Variants in CDK14 observed in about 807,000 individuals in gnomAD.
CDK14 encodes the protein cyclin-dependent kinase 14.
In CDK14, 34 loss-of-function variants were observed where a neutral mutation model predicts 60.7. The ratio of observed to expected loss-of-function variants is 0.56; its 90% CI spans 0.43 to 0.75. The LOEUF (loss-of-function observed/expected upper bound fraction) is 0.75. Ranked by LOEUF, CDK14 falls within the 30% of genes least tolerant of loss-of-function variation. The pLI is 0.00. For synonymous variants in CDK14, 197 were observed against 203.7 expected, an observed-to-expected ratio of 0.97 and a Z score of 0.28; for missense variants, 482 against 564.1, an observed-to-expected ratio of 0.85 and a Z score of 1.47.
intron 7 of CDK14, among the ~76,000 whole-genome samples, chr7:90,916,563 G>A (rs558891869): frequency 2.0e-5 from 3 of 152,106 alleles, no homozygotes; most frequent in African/African-American, 7.2e-5. Flanking sequence ...CAATCTTTTC[G>A]ATTCAAGTTT....
intron 2 of CDK14, among the ~76,000 whole-genome samples, chr7:90,649,244 C>CTTTCTTTCTTTCTTTCTTTGTTTCTTTG (rs1800536836): frequency 7.1e-4 from 19 of 26,690 alleles, no homozygotes; most frequent in South Asian, 2.9e-3. Context: ...TAGTTTCTTT[C>CTTTCTTTCTTTCTTTCTTTGTTTCTTTG]TTTCTTTCTT....
chr7:90,988,249 A>C (rs1392786418), intron 10 of CDK14, among the ~76,000 whole-genome samples: 2 of 152,172 alleles, frequency 1.3e-5, no homozygotes, highest in African/African-American at 2.4e-5. Flanking sequence ...GTTCATATGT[A>C]TATAAGGTGA....
intron 4 of CDK14, among the ~76,000 whole-genome samples, chr7:90,775,625 C>T (rs1262181685): frequency 1.0e-4 from 5 of 49,540 alleles, no homozygotes; most frequent in African/African-American, 3.9e-4. Flanking sequence ...ACCTCCTCCT[C>T]CCCCTCCCCC....
rs531221867 is a variant in CDK14 at position 91,058,855 on chromosome 7, C to T, written c.1105+12895C>T. On this transcript the variant is annotated intron_variant, in intron 11 of 14. Coordinates refer to ENST00000380050, the MANE Select transcript of CDK14 (RefSeq NM_001287135.2). ...ATCAATGTTTATCACGGATATTGGT[C>T]TAAAATTCTCTTTTTTTGTTGTGTC... Among the ~76,000 whole-genome samples the T allele has an allele frequency of 3.9e-5, 6 of 152,264 alleles. No homozygotes were observed. In the South Asian group the frequency reaches 1.0e-3, roughly 26 times the overall value.
At chr7:90,996,106 C>CTT (rs1208371845) in intron 10 of CDK14, among the ~76,000 whole-genome samples, 1 of 152,116 alleles carries the variant, frequency 6.6e-6, no homozygotes, top group Non-Finnish European at 1.5e-5. Context: ...GGGACCCTCC[C>CTT]TTATAATGAG....
In CDK14 at chr7:90,775,395, A is replaced by G. The variant is rs77172840; in HGVS notation, c.465-15178A>G. 1.0e-2 allele frequency among the ~76,000 whole-genome samples: 1,518 copies of G among 152,234 alleles called. 25 individuals carry two copies. Among genetic ancestry groups the G allele is most frequent in the African/African-American group, 0.034 (1,394 of 41,528 alleles). Reference sequence around the variant, plus strand: ...AATCAAAGATTGAGGAAAAGTGATAATATCAAGAAGTATATCCATTTCTTT... The same window carrying G: ...AATCAAAGATTGAGGAAAAGTGATAGTATCAAGAAGTATATCCATTTCTTT... On this transcript the variant is annotated intron_variant, in intron 4 of 14. Coordinates refer to ENST00000380050, the MANE Select transcript of CDK14 (RefSeq NM_001287135.2).
chr7:91,159,404 G>A (rs1801096909), intron 14 of CDK14, among the ~76,000 whole-genome samples: 2 of 152,324 alleles, frequency 1.3e-5, no homozygotes, highest in Non-Finnish European at 2.9e-5. Flanking sequence ...TCTGCCTACT[G>A]CCTCAGTGGT....
chr7:90,660,823 T>A (rs1237928155), intron 2 of CDK14, among the ~76,000 whole-genome samples: 1 of 152,182 alleles, frequency 6.6e-6, no homozygotes, highest in Non-Finnish European at 1.5e-5. Context: ...TTTCTCCTGG[T>A]TGGATTGGTT....
intron 14 of CDK14, among the ~76,000 whole-genome samples, chr7:91,189,824 G>A (rs1026704193): frequency 7.9e-5 from 12 of 152,134 alleles, no homozygotes; most frequent in East Asian, 3.9e-4. Flanking sequence ...CCTACATAGC[G>A]TAAGAGTTAA....
chr7:90,722,999 G>A (rs1351002120), intron 2 of CDK14, among the ~76,000 whole-genome samples: 1 of 152,174 alleles, frequency 6.6e-6, no homozygotes, highest in Non-Finnish European at 1.5e-5. Flanking sequence ...AAGTGTTTGT[G>A]AAAGTGGATG....
chr7:90,776,407 C>A (rs1378507888), intron 4 of CDK14, among the ~76,000 whole-genome samples: 1 of 152,184 alleles, frequency 6.6e-6, no homozygotes, highest in Non-Finnish European at 1.5e-5. Flanking sequence ...AGCCCTAAAA[C>A]TCCAGAAGGT....
chr7:90,636,189 G>A (rs965011278), intron 2 of CDK14, among the ~76,000 whole-genome samples: 22 of 152,018 alleles, frequency 1.4e-4, no homozygotes, highest in African/African-American at 5.3e-4. Flanking sequence ...GGAGTGGTGA[G>A]AGAGGGCATC....
At chr7:91,056,673 T>C (rs1442592386) in intron 11 of CDK14, among the ~76,000 whole-genome samples, 6 of 151,896 alleles carry the variant, frequency 4.0e-5, no homozygotes, top group East Asian at 1.9e-4. Context: ...GTTTTTTGTC[T>C]TTGCGATAGT....
intron 11 of CDK14, among the ~76,000 whole-genome samples, chr7:91,062,402 C>T (rs1287343161): frequency 6.6e-6 from 1 of 152,094 alleles, no homozygotes; most frequent in Non-Finnish European, 1.5e-5. Context: ...ACTGCACCCA[C>T]TGTCCTGCAC....
chr7:90,696,709 G>C (rs1022394735), intron 2 of CDK14, among the ~76,000 whole-genome samples: 1 of 152,258 alleles, frequency 6.6e-6, no homozygotes, highest in South Asian at 2.1e-4. Context: ...GTTTACTGAC[G>C]GTACTTAAGG....
At chr7:90,603,685 T>C (rs935706990) in intron 1 of CDK14, among the ~76,000 whole-genome samples, 3 of 152,222 alleles carry the variant, frequency 2.0e-5, no homozygotes, top group Non-Finnish European at 2.9e-5. Context: ...TTGAAATACT[T>C]TGTTATAAAA....
chr7:90,730,672 A>G (rs1802826881), intron 3 of CDK14, among the ~76,000 whole-genome samples: 2 of 152,032 alleles, frequency 1.3e-5, no homozygotes, highest in Admixed American at 1.3e-4. Flanking sequence ...TTGTCTGTTC[A>G]TATTCTTTGC....
intron 8 of CDK14, among the ~76,000 whole-genome samples, chr7:90,943,837 G>T (rs1245649641): frequency 6.6e-6 from 1 of 152,160 alleles, no homozygotes; most frequent in African/African-American, 2.4e-5. Context: ...GGTGGGTCCT[G>T]CTACAGTTTG....
intron 4 of CDK14, among the ~76,000 whole-genome samples, chr7:90,756,736 C>T (rs1017994783): frequency 6.6e-6 from 1 of 152,174 alleles, no homozygotes; most frequent in Admixed American, 6.5e-5. Flanking sequence ...TTGTTGGGAT[C>T]CCTGTTCCAA....
Sources: allele counts gnomAD v4.1 joint callset (sites outside exome capture counted in the v4.1 genomes callset), GRCh38; gene constraint gnomAD v4.1.1; transcripts MANE v1.5; gene names NCBI Gene and HGNC (gene_info 2026-07-23, HGNC 2026-07-21).